FAM171A1: variants seen among roughly 807,000 people sequenced by gnomAD.
FAM171A1 encodes the protein family with sequence similarity 171 member A1.
Under a neutral mutation model 74.9 loss-of-function variants are expected in FAM171A1, and 23 were observed. The ratio of observed to expected loss-of-function variants is 0.31; its 90% confidence interval spans 0.22 to 0.44. The LOEUF (loss-of-function observed/expected upper bound fraction) is 0.44, where lower values mean the gene tolerates loss of function less well. Ranked by LOEUF, FAM171A1 falls within the 20% of genes least tolerant of loss-of-function variation. The probability of loss-of-function intolerance (pLI) is 1.00; values close to 1 mark genes in which losing one functional copy is unlikely to be tolerated. For synonymous variants in FAM171A1, 527 were observed against 505.7 expected (o/e 1.04, Z -0.57); for missense variants, 1,162 against 1,159.2 (o/e 1.00, Z -0.03).
At position 15,213,910 on chromosome 10, in the gene FAM171A1, A is replaced by G; in HGVS notation, c.1678T>C (p.Leu560=). Residue 560 remains leucine, a synonymous_variant, in exon 8 of 8, where the codon TTA becomes CTA. Transcript: ENST00000378116. This position sits in a 1 kb window ranked among gnomAD's most constrained non-coding sequence, Gnocchi z 6.8. ...RPTSFPRPGQ[L]ICCSSVDQVN... is the part of the protein sequence containing the mutation. ...TGGTCGACAGAACTGCAGCAGATTA[A>G]CTGGCCGGGCCGTGGGAAGGACGTA... The G allele has an allele frequency of 5.6e-6, 9 of 1,614,186 alleles. No homozygotes were observed. Among genetic ancestry groups the G allele is most frequent in the Non-Finnish European group, 7.6e-6 (9 of 1,180,034 alleles).
At chr10:15,271,764 A>G (rs2131794695) in intron 3 of FAM171A1, among the ~76,000 whole-genome samples, 1 of 152,342 alleles carries the variant, frequency 6.6e-6, no homozygotes, top group Non-Finnish European at 1.5e-5. Flanking sequence ...TCAACCCAGA[A>G]TTTCATATCC....
chr10:15,286,318 C>T (rs1835034740), intron 1 of FAM171A1, among the ~76,000 whole-genome samples: 1 of 152,130 alleles, frequency 6.6e-6, no homozygotes, highest in Non-Finnish European at 1.5e-5. Context: ...TTCATTCTTG[C>T]CACCCAGGGT....
At chr10:15,329,669 A>C (rs1466575420) in intron 1 of FAM171A1, among the ~76,000 whole-genome samples, 2 of 151,708 alleles carry the variant, frequency 1.3e-5, no homozygotes, top group East Asian at 3.9e-4. Flanking sequence ...CAATAAGAAC[A>C]AGTAACACAG....
At chr10:15,317,445 G>C (rs1163308874) in intron 1 of FAM171A1, among the ~76,000 whole-genome samples, 1 of 152,122 alleles carries the variant, frequency 6.6e-6, no homozygotes, top group Non-Finnish European at 1.5e-5. Flanking sequence ...GCCCAGACTG[G>C]AGTGTAGTGG....
chr10:15,290,876 T>A lies in FAM171A1; in HGVS notation c.98-6771A>T, dbSNP rs184503589. ...GGCCCTTGTGACTGAAGATGAGGGG[T>A]CTGGGCCACCCATGTACCGCCGTTT... On this transcript the variant is annotated intron_variant, in intron 1 of 7. Coordinates refer to ENST00000378116, the MANE Select transcript of FAM171A1 (RefSeq NM_001010924.2). Among the ~76,000 whole-genome samples the A allele has an allele frequency of 2.2e-3, 342 of 152,184 alleles. 1 individual carries two copies. The highest frequency in any genetic ancestry group is 6.8e-3 in the Middle Eastern group (2 of 294).
chr10:15,333,118 T>G (rs887938972), intron 1 of FAM171A1, among the ~76,000 whole-genome samples: 1 of 152,170 alleles, frequency 6.6e-6, no homozygotes, highest in Non-Finnish European at 1.5e-5. Context: ...TGAGACCCCA[T>G]TCTCAGCTCC....
chr10:15,275,912 G>C lies in FAM171A1; in HGVS notation c.361C>G (p.Arg121Gly). 1 of 1,612,842 alleles carries C rather than the reference G, an allele frequency of 6.2e-7. No homozygotes were observed. The highest frequency in any genetic ancestry group is 1.1e-5 in the South Asian group (1 of 90,828). The change falls in exon 3 of 8, where the codon CGC becomes GGC. Residue 121 changes from arginine to glycine, a missense_variant. By Grantham distance (125) the Arg-to-Gly change is moderately radical. Coordinates refer to ENST00000378116, the MANE Select transcript of FAM171A1 (RefSeq NM_001010924.2). ...TCATATACCATTAGAGTGGCAGAGC[G>C]TTCTGGAAGCAGGCCAAGGCTCAGA... ...SSLSLGLLPE[R>G]SATLMVYEDV...
Position 15,213,058 on chromosome 10 carries a change from A to AG in FAM171A1, c.2529dup (p.Ser844LeufsTer21). ...TGGTGGGGGCTGGCTGCTGGCTCCG[A>AG]GGGGGCATCCGCAGTCCGTCTGGTC... On this transcript the variant is annotated frameshift_variant, in exon 8 of 8. Transcript: ENST00000378116. LOFTEE classifies it high-confidence loss of function. The surrounding 1 kb of genome is among the most constrained non-coding windows in gnomAD (Gnocchi z 6.8). 1 of 1,613,436 alleles carries AG rather than the reference A, an allele frequency of 6.2e-7. No individual in the cohort carries two copies. Among genetic ancestry groups the AG allele is most frequent in the Non-Finnish European group, 8.5e-7 (1 of 1,179,860 alleles).
chr10:15,353,093 A>G (rs541511557), intron 1 of FAM171A1, among the ~76,000 whole-genome samples: 10 of 152,318 alleles, frequency 6.6e-5, no homozygotes, highest in African/African-American at 2.2e-4. Flanking sequence ...CACCAGTTGC[A>G]TGCATTAACT....
chr10:15,261,174 G>A (rs1834651984), intron 3 of FAM171A1, among the ~76,000 whole-genome samples: 2 of 152,350 alleles, frequency 1.3e-5, no homozygotes, highest in Admixed American at 6.5e-5. Context: ...AGGGTGGGAT[G>A]AAGATTTCCG....
chr10:15,254,761 G>C lies in FAM171A1; in HGVS notation c.537C>G (p.Asp179Glu), dbSNP rs1374893004. 1.2e-5 allele frequency: 20 copies of C among 1,614,168 alleles called. No homozygotes were observed. Among genetic ancestry groups the C allele is most frequent in the Non-Finnish European group, 1.7e-5 (20 of 1,180,026 alleles). Residue 179 changes from aspartate (D) to glutamate (E), a missense_variant, in exon 4 of 8, where the codon GAC (aspartate) becomes GAG (glutamate). Asp to Glu is a conservative substitution (Grantham distance 45). Coordinates refer to ENST00000378116, the MANE Select transcript of FAM171A1 (RefSeq NM_001010924.2). ...CTAATCCTCGCAAATAAGGAAAACTGTCCACCTCCGAAGGGGAGCTGGCGG... is the reference window on the plus strand; with the variant it reads ...CTAATCCTCGCAAATAAGGAAAACTCTCCACCTCCGAAGGGGAGCTGGCGG... ...LTAASSPSEV[D>E]SFPYLRGLDG...
At chr10:15,331,046 C>T (rs1036662072) in intron 1 of FAM171A1, among the ~76,000 whole-genome samples, 3 of 152,074 alleles carry the variant, frequency 2.0e-5, no homozygotes, top group Non-Finnish European at 2.9e-5. Flanking sequence ...CACGCCACCA[C>T]GCCTGGCTAA....
At chr10:15,320,623 C>CA in intron 1 of FAM171A1, among the ~76,000 whole-genome samples, 1 of 152,126 alleles carries the variant, frequency 6.6e-6, no homozygotes, top group Non-Finnish European at 1.5e-5. Flanking sequence ...ACAACCTCAC[C>CA]AGCATGTTAT....
At chr10:15,370,247 T>C (rs1009559323) in intron 1 of FAM171A1, among the ~76,000 whole-genome samples, 11 of 150,438 alleles carry the variant, frequency 7.3e-5, no homozygotes, top group East Asian at 2.0e-4. Flanking sequence ...TTTCTTTTTT[T>C]TTTTTTTTTT....
chr10:15,329,735 G>A (rs1835604339), intron 1 of FAM171A1, among the ~76,000 whole-genome samples: 1 of 152,004 alleles, frequency 6.6e-6, no homozygotes. Context: ...GCTACGGGAA[G>A]TCATTTTCAG....
intron 3 of FAM171A1, among the ~76,000 whole-genome samples, chr10:15,271,564 C>T (rs1588525132): frequency 6.6e-6 from 1 of 152,086 alleles, no homozygotes; most frequent in Admixed American, 6.5e-5. Context: ...AAGAGCAACT[C>T]CAAGACACAT....
chr10:15,295,314 A>T (rs954224102), intron 1 of FAM171A1, among the ~76,000 whole-genome samples: 64 of 152,300 alleles, frequency 4.2e-4, no homozygotes, highest in African/African-American at 1.4e-3. Flanking sequence ...GATAGGATGC[A>T]TTTAGTTTAT....
At chr10:15,219,941 A>G (rs1834016538) in intron 6 of FAM171A1, among the ~76,000 whole-genome samples, 1 of 152,234 alleles carries the variant, frequency 6.6e-6, no homozygotes, top group Admixed American at 6.5e-5. Flanking sequence ...ATGGTGATAT[A>G]AAGTCATTGT....
chr10:15,352,076 TACAAAAAAA>T (rs1835886795), intron 1 of FAM171A1, among the ~76,000 whole-genome samples: 1 of 9,888 alleles, frequency 1.0e-4, no homozygotes, highest in African/African-American at 1.5e-4. Flanking sequence ...TTTGTAAAAA[TACAAAAAAA>T]AAAAATTAGC....
Sources: gnomAD v4.1 joint callset for allele counts (sites outside exome capture counted in the v4.1 genomes callset) on GRCh38, gnomAD v4.1.1 for gene constraint, Gnocchi (gnomAD v3.1) non-coding constraint, MANE v1.5 for transcripts, NCBI Gene and HGNC (gene_info 2026-07-23, HGNC 2026-07-21) for gene names.